Variants in GALNT14 observed in about 807,000 individuals in gnomAD.
GALNT14 encodes UDP-GalNAc:polypeptide N-acetylgalactosaminyltransferase 14.
GALNT14 carries 60 observed loss-of-function variants against 77.5 expected under a neutral mutation model. The observed-to-expected ratio is 0.77, with a 90% CI of 0.63 to 0.96. The LOEUF (loss-of-function observed/expected upper bound fraction) is 0.96. GALNT14 is among the 40% of genes least tolerant of loss of function. GALNT14 has a pLI of 0.00. For missense variants in GALNT14, 710 were observed against 731.0 expected, an observed-to-expected ratio of 0.97 and a Z score of 0.33; for synonymous variants, 280 against 281.7, an observed-to-expected ratio of 0.99 and a Z score of 0.06.
chr2:31,022,956 G>A (rs1671814969), intron 1 of GALNT14, among the ~76,000 whole-genome samples: 1 of 152,140 alleles, frequency 6.6e-6, no homozygotes, highest in Non-Finnish European at 1.5e-5. Flanking sequence ...CTGACAGTCT[G>A]GAGACCCCAA....
At chr2:31,075,924 G>A (rs1254693997) in intron 1 of GALNT14, among the ~76,000 whole-genome samples, 1 of 152,200 alleles carries the variant, frequency 6.6e-6, no homozygotes, top group Non-Finnish European at 1.5e-5. Context: ...AGTCCCACAA[G>A]AGCAGAGGCT....
chr2:30,955,498 G>A (rs948466895), intron 6 of GALNT14, 120 bp downstream of exon 6: 14 of 1,351,150 alleles, frequency 1.0e-5, no homozygotes, highest in Middle Eastern at 1.9e-4. Context: ...TCGGGACTGC[G>A]ATCTGTTCTG....
intron 1 of GALNT14, among the ~76,000 whole-genome samples, chr2:31,110,166 G>A (rs982307507): frequency 2.0e-5 from 3 of 151,922 alleles, no homozygotes; most frequent in Non-Finnish European, 4.4e-5. Context: ...AATATTCCAG[G>A]CCTCCGAATA....
chr2:31,137,646 G>C (rs1480476269), intron 1 of GALNT14, among the ~76,000 whole-genome samples: 1 of 152,100 alleles, frequency 6.6e-6, no homozygotes, highest in African/African-American at 2.4e-5. Context: ...CCAGCCCCTG[G>C]GCCGCCCGTC....
At chr2:30,898,490 T>TA in the GALNT14 span, among the ~76,000 whole-genome samples, 18 of 152,290 alleles carry the variant, frequency 1.2e-4, no homozygotes, top group East Asian at 3.5e-3. Flanking sequence ...AATCTCACGG[T>TA]AAAATTATGA....
chr2:31,024,929 C>T (rs1228606135), intron 1 of GALNT14, among the ~76,000 whole-genome samples: 2 of 152,204 alleles, frequency 1.3e-5, no homozygotes, highest in Admixed American at 6.5e-5. Context: ...TAGAGGGAGG[C>T]CCAGACCAAA....
At chr2:30,947,560 A>G (rs999707847) in intron 6 of GALNT14, among the ~76,000 whole-genome samples, 2 of 152,198 alleles carry the variant, frequency 1.3e-5, no homozygotes, top group African/African-American at 4.8e-5. Context: ...GAGGTGTCAA[A>G]GAGCTGTGAA....
At chr2:30,990,015 G>A (rs968458014) in intron 2 of GALNT14, among the ~76,000 whole-genome samples, 2 of 152,018 alleles carry the variant, frequency 1.3e-5, no homozygotes, top group African/African-American at 4.8e-5. Context: ...TTTCATTTTT[G>A]AGAACTTAGG....
chr2:30,999,859 A>G (rs1376439379), intron 1 of GALNT14, among the ~76,000 whole-genome samples: 1 of 152,222 alleles, frequency 6.6e-6, no homozygotes, highest in Non-Finnish European at 1.5e-5. Flanking sequence ...AGTGCAGGAG[A>G]ACACGTAAAA....
At chr2:30,891,541 A>G in the GALNT14 span, among the ~76,000 whole-genome samples, 1 of 152,178 alleles carries the variant, frequency 6.6e-6, no homozygotes, top group Non-Finnish European at 1.5e-5. Context: ...ACATAAAAAG[A>G]AAAAGGGAAG....
intron 1 of GALNT14, among the ~76,000 whole-genome samples, chr2:31,128,559 A>C (rs1678812722): frequency 1.3e-5 from 2 of 152,324 alleles, no homozygotes; most frequent in South Asian, 4.1e-4. Context: ...TTAACTCCAC[A>C]ACCCTGCTGA....
At chr2:30,986,345 G>A (rs1669298148) in intron 2 of GALNT14, among the ~76,000 whole-genome samples, 4 of 152,164 alleles carry the variant, frequency 2.6e-5, no homozygotes, top group South Asian at 2.1e-4. Flanking sequence ...CATAATAGGC[G>A]CTGCTAGCAA....
At chr2:30,897,430 TGCA>T in the GALNT14 span, among the ~76,000 whole-genome samples, 1 of 152,154 alleles carries the variant, frequency 6.6e-6, no homozygotes, top group Admixed American at 6.5e-5. Flanking sequence ...CTGAAAATCA[TGCA>T]GGTGCCAGGC....
chr2:30,919,559 T>C (rs960324687), intron 13 of GALNT14, among the ~76,000 whole-genome samples: 3 of 152,210 alleles, frequency 2.0e-5, no homozygotes, highest in Non-Finnish European at 4.4e-5. Context: ...CCCTAGAGTC[T>C]CCAGGGCAAA....
intron 1 of GALNT14, among the ~76,000 whole-genome samples, chr2:31,105,699 T>C (rs1219293405): frequency 6.6e-6 from 1 of 151,794 alleles, no homozygotes; most frequent in African/African-American, 2.4e-5. Flanking sequence ...TACTCCAGTC[T>C]GAGTGACAGA....
At chr2:31,015,564 G>A (rs142123513) in intron 1 of GALNT14, among the ~76,000 whole-genome samples, 6 of 152,300 alleles carry the variant, frequency 3.9e-5, no homozygotes, top group African/African-American at 1.4e-4. Flanking sequence ...GAAAAAAAGA[G>A]TAATTTTATG....
chr2:30,928,335 G>T (rs1159386198), intron 11 of GALNT14, among the ~76,000 whole-genome samples: 1 of 152,180 alleles, frequency 6.6e-6, no homozygotes, highest in African/African-American at 2.4e-5. Context: ...TGCCCCCAAA[G>T]AAACATAAAT....
intron 1 of GALNT14, among the ~76,000 whole-genome samples, chr2:31,056,636 A>G (rs890829550): frequency 3.3e-5 from 5 of 152,240 alleles, no homozygotes; most frequent in African/African-American, 1.2e-4. Flanking sequence ...TTCTCAGAAT[A>G]GCACTTATAA....
At position 30,992,978 on chromosome 2, in the gene GALNT14, C is replaced by A. The variant is rs1347499280; in HGVS notation, c.159G>T (p.Trp53Cys). The change falls in exon 2 of 15, where the codon TGG becomes TGT. Residue 53 changes from tryptophan to cysteine, a missense_variant. Trp to Cys is a radical substitution (Grantham distance 215). Coordinates refer to ENST00000349752, the MANE Select transcript of GALNT14 (RefSeq NM_024572.4). ...KPSDADWDDL[W>C]DQFDERRYLN... ...GATACCGCCGCTCATCAAACTGGTC[C>A]CACAGGTCGTCCCAGTCAGCGTCCG... is the stretch of plus-strand genomic sequence containing the variant. 6.2e-7 allele frequency: 1 copy of A among 1,614,014 alleles called. No individual in the cohort carries two copies. The highest frequency in any genetic ancestry group is 2.2e-5 in the East Asian group (1 of 44,872).
Sources: allele counts gnomAD v4.1 joint callset (sites outside exome capture counted in the v4.1 genomes callset), GRCh38; gene constraint gnomAD v4.1.1; transcripts MANE v1.5; gene names NCBI Gene and HGNC (gene_info 2026-07-23, HGNC 2026-07-21).